The following IQSEC1 variants were observed in gnomAD, a reference collection of about 807,000 sequenced individuals.
The protein encoded by IQSEC1 is IQ motif and Sec7 domain ArfGEF 1.
IQSEC1 carries 31 observed loss-of-function variants against 91.0 expected under a neutral mutation model. The ratio of observed to expected loss-of-function variants is 0.34; its 90% CI spans 0.26 to 0.46. The LOEUF (loss-of-function observed/expected upper bound fraction) is 0.46, where lower values mean the gene tolerates loss of function less well. Ranked by LOEUF, IQSEC1 falls within the 20% of genes least tolerant of loss-of-function variation. The pLI, the probability that IQSEC1 is intolerant of heterozygous loss-of-function variation, is 1.00. For missense variants in IQSEC1, 1,388 were observed against 1,575.6 expected (o/e 0.88, Z 2.02); for synonymous variants, 699 against 662.6 (o/e 1.05, Z -0.84).
intron 12 of IQSEC1, among the ~76,000 whole-genome samples, chr3:12,905,044 G>C (rs1203552311): frequency 6.6e-6 from 1 of 152,228 alleles, no homozygotes; most frequent in African/African-American, 2.4e-5. Context: ...CTGAGTCCTA[G>C]AGCCCTGTGC....
chr3:13,161,153 A>T (rs1707167663), intron 2 of IQSEC1, among the ~76,000 whole-genome samples: 1 of 152,168 alleles, frequency 6.6e-6, no homozygotes, highest in African/African-American at 2.4e-5. Flanking sequence ...CATGGGCCGC[A>T]TTTAGAAAGG....
chr3:13,244,890 T>A (rs1695082436), intron 1 of IQSEC1, among the ~76,000 whole-genome samples: 1 of 152,122 alleles, frequency 6.6e-6, no homozygotes, highest in Non-Finnish European at 1.5e-5. Context: ...GGGGGTCATG[T>A]GACACTCTGC....
chr3:12,950,874 C>T (rs1303364311), intron 1 of IQSEC1, among the ~76,000 whole-genome samples: 1 of 152,032 alleles, frequency 6.6e-6, no homozygotes, highest in East Asian at 1.9e-4. Context: ...TCTCGATCTC[C>T]TGACCTCGTG....
chr3:13,045,607 C>T (rs1261617002), intron 1 of IQSEC1, among the ~76,000 whole-genome samples: 1 of 152,190 alleles, frequency 6.6e-6, no homozygotes, highest in Non-Finnish European at 1.5e-5. Flanking sequence ...CCTGCTAGGC[C>T]CCCACACATC....
intron 1 of IQSEC1, among the ~76,000 whole-genome samples, chr3:13,241,550 C>T (rs1377773411): frequency 6.6e-6 from 1 of 152,228 alleles, no homozygotes; most frequent in Non-Finnish European, 1.5e-5. Context: ...GACTGGTTTC[C>T]AGGCCAATGA....
chr3:13,080,019 A>G (rs974933020), intron 2 of IQSEC1, among the ~76,000 whole-genome samples: 2 of 152,218 alleles, frequency 1.3e-5, no homozygotes, highest in African/African-American at 4.8e-5. Flanking sequence ...CAGTGCATGG[A>G]AAGGTATTGC....
At chr3:13,056,126 G>A (rs993559979) in intron 1 of IQSEC1, among the ~76,000 whole-genome samples, 1 of 152,180 alleles carries the variant, frequency 6.6e-6, no homozygotes, top group South Asian at 2.1e-4. Context: ...CATGTGGCCC[G>A]GAGCCTGACC....
intron 1 of IQSEC1, among the ~76,000 whole-genome samples, chr3:13,004,681 C>T (rs1042226864): frequency 2.0e-5 from 3 of 152,214 alleles, no homozygotes; most frequent in Admixed American, 6.5e-5. Flanking sequence ...AAGCTCAGAA[C>T]GGAATCAGCA....
intron 1 of IQSEC1, among the ~76,000 whole-genome samples, chr3:12,951,932 C>T (rs1161165096): frequency 3.9e-5 from 6 of 152,054 alleles, no homozygotes; most frequent in Admixed American, 2.0e-4. Context: ...AGGTCTGGGA[C>T]GGAGGGGCTG....
Position 12,940,810 on chromosome 3 carries a change from C to T in IQSEC1, c.318+761G>A, listed in dbSNP as rs183978488. Among the ~76,000 whole-genome samples, 28 of 152,358 alleles carry T rather than the reference C, an allele frequency of 1.8e-4. No individual in the cohort carries two copies. The East Asian group carries it at 5.0e-3, about 27-fold the overall frequency. ...TCCTCATTCAAACACCTACTGTGCA[C>T]CTGCACTTGGAGGGACTTGGAAGCG... On this transcript the variant is annotated intron_variant, in intron 2 of 13. Transcript: ENST00000613206. The surrounding 1 kb of genome is among the most constrained non-coding windows in gnomAD (Gnocchi z 4.4).
intron 1 of IQSEC1, among the ~76,000 whole-genome samples, chr3:12,973,579 A>T (rs1701012217): frequency 6.6e-6 from 1 of 152,172 alleles, no homozygotes; most frequent in South Asian, 2.1e-4. Context: ...AATTCATCCC[A>T]ACTACAATGG....
At chr3:13,283,096 G>T (rs1395798086) in exon 1 of IQSEC1, among the ~76,000 whole-genome samples, 1 of 144,120 alleles carries the variant, frequency 6.9e-6, no homozygotes, top group Non-Finnish European at 1.5e-5. Flanking sequence ...GGGCTGCCGC[G>T]GCCCCGCCTC....
intron 1 of IQSEC1, among the ~76,000 whole-genome samples, chr3:12,945,430 C>T (rs1699116762): frequency 6.6e-6 from 1 of 151,932 alleles, no homozygotes; most frequent in African/African-American, 2.4e-5. Flanking sequence ...TCAGTTTAAT[C>T]CCTCCCCCGA....
At chr3:12,928,416 C>T (rs1697355100) in intron 3 of IQSEC1, among the ~76,000 whole-genome samples, 1 of 152,200 alleles carries the variant, frequency 6.6e-6, no homozygotes, top group Admixed American at 6.5e-5. Flanking sequence ...GAGCTCGCTG[C>T]TGACCTGAGG....
chr3:12,905,918 G>A lies in IQSEC1; in HGVS notation c.2755+2431C>T, dbSNP rs1400899013. 3.9e-5 allele frequency among the ~76,000 whole-genome samples: 6 copies of A among 152,328 alleles called. No individual in the cohort carries two copies. The East Asian group carries it at 7.7e-4, about 20-fold the overall frequency. Reference sequence around the variant, plus strand: ...TGGGTCCTTGGTCTTGGGTCAGCAGGACTCTTGTGCCGCTGGAATGAGCAC... The same window carrying A: ...TGGGTCCTTGGTCTTGGGTCAGCAGAACTCTTGTGCCGCTGGAATGAGCAC... On this transcript the variant is annotated intron_variant, in intron 12 of 13. Coordinates refer to ENST00000613206, the MANE Select transcript of IQSEC1 (RefSeq NM_001134382.3).
chr3:13,238,114 G>T (rs1271573645), intron 1 of IQSEC1, among the ~76,000 whole-genome samples: 2 of 152,210 alleles, frequency 1.3e-5, no homozygotes, highest in Non-Finnish European at 2.9e-5. Context: ...CCCACCGCGT[G>T]CCCCAACCAA....
chr3:13,208,130 C>G (rs184954395), intron 1 of IQSEC1, among the ~76,000 whole-genome samples: 1 of 150,658 alleles, frequency 6.6e-6, no homozygotes, highest in African/African-American at 2.5e-5. Flanking sequence ...GGTGGCCAGA[C>G]AGATGGAGCA....
chr3:13,093,958 C>T (rs1340487368), intron 2 of IQSEC1, among the ~76,000 whole-genome samples: 1 of 152,184 alleles, frequency 6.6e-6, no homozygotes, highest in Non-Finnish European at 1.5e-5. Context: ...CAATGAGAGT[C>T]AGCCCTGGCG....
intron 1 of IQSEC1, among the ~76,000 whole-genome samples, chr3:13,010,346 G>A (rs1258588478): frequency 6.6e-6 from 1 of 152,222 alleles, no homozygotes; most frequent in Non-Finnish European, 1.5e-5. Flanking sequence ...AGGGGTGAAT[G>A]CAGTACCGAG....
Sources: allele counts gnomAD v4.1 joint callset (sites outside exome capture counted in the v4.1 genomes callset), GRCh38; gene constraint gnomAD v4.1.1; non-coding constraint Gnocchi (gnomAD v3.1); transcripts MANE v1.5; gene names NCBI Gene and HGNC (gene_info 2026-07-23, HGNC 2026-07-21).